The following STX8 variants were observed in gnomAD, a reference collection of about 807,000 sequenced individuals.
STX8 encodes syntaxin 8.
STX8 carries 23 observed loss-of-function variants against 37.5 expected under a neutral mutation model. That is an observed-to-expected ratio of 0.61 (90% CI 0.44 to 0.87). STX8 has a LOEUF of 0.87. Ranked by LOEUF, STX8 falls within the 40% of genes least tolerant of loss-of-function variation. The probability of loss-of-function intolerance (pLI) is 0.00; values close to 1 mark genes in which losing one functional copy is unlikely to be tolerated. For missense variants in STX8, 313 were observed against 284.7 expected, an observed-to-expected ratio of 1.10 and a Z score of -0.71; for synonymous variants, 115 against 99.1, an observed-to-expected ratio of 1.16 and a Z score of -0.95.
chr17:9,444,001 T>TC (rs1168111634), intron 6 of STX8, among the ~76,000 whole-genome samples: 1 of 152,196 alleles, frequency 6.6e-6, no homozygotes, highest in Non-Finnish European at 1.5e-5. Flanking sequence ...ATGATTTCTG[T>TC]CATCGTGTTC....
At chr17:9,288,097 AGG>A (rs58145480) in intron 7 of STX8, among the ~76,000 whole-genome samples, 5,901 of 8,478 alleles carry the variant, frequency 0.7, 2,123 homozygotes, top group Middle Eastern at 1. Flanking sequence ...ACATTTGACA[AGG>A]GGGGGGGGGG....
At chr17:9,560,725 A>C (rs1049748709) in intron 2 of STX8, among the ~76,000 whole-genome samples, 4 of 147,926 alleles carry the variant, frequency 2.7e-5, no homozygotes, top group African/African-American at 9.8e-5. Context: ...AAGAGGTGAT[A>C]ATTAAGGCAC....
intron 6 of STX8, among the ~76,000 whole-genome samples, chr17:9,488,788 C>G (rs1906714452): frequency 2.0e-5 from 3 of 148,322 alleles, no homozygotes; most frequent in African/African-American, 7.5e-5. Flanking sequence ...AACTGTAAGA[C>G]ATTAAGAGAG....
intron 7 of STX8, among the ~76,000 whole-genome samples, chr17:9,255,557 T>TATATATAA (rs1567756297): frequency 9.1e-6 from 1 of 109,818 alleles, no homozygotes; most frequent in Non-Finnish European, 1.8e-5. Context: ...TAAATAAATA[T>TATATATAA]ATAAATAAAT....
intron 7 of STX8, among the ~76,000 whole-genome samples, chr17:9,343,032 A>AAG (rs1247629509): frequency 6.7e-6 from 1 of 149,840 alleles, no homozygotes; most frequent in African/African-American, 2.5e-5. Flanking sequence ...AAAAAAAAAA[A>AAG]AAAAAAAAAA....
At chr17:9,516,918 C>T (rs1294337129) in intron 4 of STX8, among the ~76,000 whole-genome samples, 1 of 152,060 alleles carries the variant, frequency 6.6e-6, no homozygotes, top group African/African-American at 2.4e-5. Flanking sequence ...GGTTTTCAAC[C>T]TTCTTTCTGG....
intron 7 of STX8, among the ~76,000 whole-genome samples, chr17:9,283,496 T>G (rs1907964154): frequency 1.3e-5 from 2 of 152,088 alleles, no homozygotes; most frequent in African/African-American, 4.8e-5. Flanking sequence ...GCCAAGACCA[T>G]GCCATTGCAC....
At chr17:9,464,284 A>C (rs62063657) in intron 6 of STX8, among the ~76,000 whole-genome samples, 18,072 of 152,156 alleles carry the variant, frequency 0.12, 1,353 homozygotes, top group Non-Finnish European at 0.17. Context: ...GAGGGATGTA[A>C]ATTATGATCT....
chr17:9,397,192 T>C lies in STX8; in HGVS notation c.542-18539A>G, dbSNP rs533300764. Among the ~76,000 whole-genome samples the C allele has an allele frequency of 1.3e-3, 198 of 152,228 alleles. 2 individuals carry two copies. Among genetic ancestry groups the C allele is most frequent in the Non-Finnish European group, 1.2e-3 (82 of 68,010 alleles). ...GCAGGCAGATCACGACGTCAGGAGTTCGAGACCAGCCTGGCCAACATGGTG... is the reference window on the plus strand; with the variant it reads ...GCAGGCAGATCACGACGTCAGGAGTCCGAGACCAGCCTGGCCAACATGGTG... On this transcript the variant is annotated intron_variant, in intron 6 of 7. Coordinates refer to ENST00000306357, the MANE Select transcript of STX8 (RefSeq NM_004853.3).
At chr17:9,551,536 G>T (rs963678013) in intron 3 of STX8, among the ~76,000 whole-genome samples, 1 of 152,058 alleles carries the variant, frequency 6.6e-6, no homozygotes, top group Non-Finnish European at 1.5e-5. Context: ...AATCCTTTAC[G>T]CCAGGTGGAC....
intron 7 of STX8, among the ~76,000 whole-genome samples, chr17:9,319,905 T>A (rs58160739): frequency 6.6e-6 from 1 of 151,672 alleles, no homozygotes; most frequent in African/African-American, 2.4e-5. Flanking sequence ...AGCTGAGATC[T>A]TGCCATTGCA....
At chr17:9,375,180 AT>A (rs1911541820) in intron 7 of STX8, among the ~76,000 whole-genome samples, 1 of 151,984 alleles carries the variant, frequency 6.6e-6, no homozygotes, top group African/African-American at 2.4e-5. Context: ...GGCAGATAAT[AT>A]ATACATATAT....
chr17:9,293,512 G>A (rs1327522064), intron 7 of STX8, among the ~76,000 whole-genome samples: 1 of 151,840 alleles, frequency 6.6e-6, no homozygotes, highest in African/African-American at 2.4e-5. Context: ...TGGGCATGAG[G>A]TAGCTATGAA....
intron 6 of STX8, among the ~76,000 whole-genome samples, chr17:9,474,147 G>A (rs993850607): frequency 7.9e-5 from 12 of 151,654 alleles, no homozygotes; most frequent in African/African-American, 2.4e-4. Context: ...GGGGGACAAG[G>A]AGAGGGTGAT....
intron 6 of STX8, among the ~76,000 whole-genome samples, chr17:9,490,872 T>C (rs1906824900): frequency 6.6e-6 from 1 of 152,192 alleles, no homozygotes; most frequent in Non-Finnish European, 1.5e-5. Flanking sequence ...CAGGGGGCCC[T>C]GCAGCCACTC....
chr17:9,554,077 T>A (rs1244577079), intron 3 of STX8: 2 of 152,022 alleles, frequency 1.3e-5, no homozygotes, highest in Non-Finnish European at 2.9e-5. Flanking sequence ...TTAGACAACA[T>A]GATGAAACCC....
At chr17:9,439,480 C>T (rs1001276512) in intron 6 of STX8, among the ~76,000 whole-genome samples, 10 of 152,016 alleles carry the variant, frequency 6.6e-5, no homozygotes, top group African/African-American at 2.4e-4. Flanking sequence ...CATATCTTCT[C>T]CACACTATAA....
chr17:9,339,944 T>C (rs560269009), intron 7 of STX8, among the ~76,000 whole-genome samples: 4 of 152,372 alleles, frequency 2.6e-5, no homozygotes, highest in African/African-American at 9.6e-5. Flanking sequence ...CTGTCTTGTA[T>C]GAGCATGATT....
intron 6 of STX8, among the ~76,000 whole-genome samples, chr17:9,403,770 C>T (rs1912708314): frequency 6.6e-6 from 1 of 152,050 alleles, no homozygotes. Context: ...CCTCAGCCTC[C>T]CGACTAGCTG....
Sources: allele counts gnomAD v4.1 joint callset (sites outside exome capture counted in the v4.1 genomes callset), GRCh38; gene constraint gnomAD v4.1.1; transcripts MANE v1.5; gene names NCBI Gene and HGNC (gene_info 2026-07-23, HGNC 2026-07-21).